The following NHEJ1 variants were observed in gnomAD, a reference collection of about 807,000 sequenced individuals.
NHEJ1 encodes the protein non-homologous end joining factor 1, also known as non-homologous end-joining factor 1.
A neutral mutation model predicts 39.4 loss-of-function variants in NHEJ1; 22 were observed. The observed-to-expected ratio is 0.56, with a 90% CI of 0.40 to 0.80. NHEJ1 has a LOEUF of 0.80. Ranked by LOEUF, NHEJ1 falls within the 30% of genes least tolerant of loss-of-function variation. The pLI is 0.00. For missense variants in NHEJ1, 329 were observed against 357.1 expected (o/e 0.92, Z 0.63); for synonymous variants, 154 against 135.6 (o/e 1.14, Z -0.94).
chr2:219,109,926 T>C (rs2106338633), intron 5 of NHEJ1, among the ~76,000 whole-genome samples: 1 of 152,302 alleles, frequency 6.6e-6, no homozygotes, highest in South Asian at 2.1e-4. Context: ...AGTTTTTTGA[T>C]ATGTGCATAT....
chr2:219,108,773 C>T lies in NHEJ1; in HGVS notation c.589-30567G>A, dbSNP rs528756761. On this transcript the variant is annotated intron_variant, in intron 5 of 7. Transcript: ENST00000356853. ...CAGATTACTGAGATGGGCAATGACC[C>T]TTTTTTGGCATATGAGGCTTTGTGA... is the stretch of plus-strand genomic sequence containing the variant. Among the ~76,000 whole-genome samples, 9 of 151,824 alleles carry T rather than the reference C, an allele frequency of 5.9e-5. No homozygotes were observed. In the East Asian group the frequency reaches 1.7e-3, roughly 29 times the overall value.
intron 6 of NHEJ1, 112 bp downstream of exon 6, chr2:219,077,977 A>G: frequency 1.3e-6 from 1 of 782,334 alleles, no homozygotes. Flanking sequence ...TTTCATTTTT[A>G]TTAATTTAAA....
chr2:219,117,356 G>A (rs1949425296), intron 5 of NHEJ1, among the ~76,000 whole-genome samples: 1 of 152,188 alleles, frequency 6.6e-6, no homozygotes, highest in African/African-American at 2.4e-5. Context: ...ACAGACTGAT[G>A]TCTCTAAGCC....
chr2:219,140,167 GA>G (rs766973729), intron 5 of NHEJ1, among the ~76,000 whole-genome samples: 19 of 152,226 alleles, frequency 1.2e-4, no homozygotes, highest in Non-Finnish European at 2.5e-4. Flanking sequence ...AAGAGTGTTA[GA>G]AAAACAGCAA....
chr2:219,147,316 T>C (rs1337866889), intron 4 of NHEJ1, among the ~76,000 whole-genome samples: 5 of 152,124 alleles, frequency 3.3e-5, no homozygotes, highest in Admixed American at 6.5e-5. Flanking sequence ...CCCGTCTATA[T>C]TAAAAATACA....
intron 1 of NHEJ1, chr2:219,159,292 CAG>C (rs987314263): frequency 6.6e-6 from 1 of 151,998 alleles, no homozygotes. Flanking sequence ...AGTAGACAAT[CAG>C]AACTACGGCT....
intron 5 of NHEJ1, among the ~76,000 whole-genome samples, chr2:219,124,972 C>T (rs566693459): frequency 2.7e-4 from 41 of 152,106 alleles, no homozygotes; most frequent in Non-Finnish European, 2.8e-4. Context: ...CCAGGATGTG[C>T]TATCTGCCTT....
chr2:219,159,613 A>G (rs1392901475), intron 1 of NHEJ1, among the ~76,000 whole-genome samples: 1 of 137,128 alleles, frequency 7.3e-6, no homozygotes. Flanking sequence ...ATATATATAC[A>G]TATACGTGGT....
intron 5 of NHEJ1, among the ~76,000 whole-genome samples, chr2:219,122,609 G>GA (rs2106345993): frequency 6.6e-6 from 1 of 152,254 alleles, no homozygotes; most frequent in Non-Finnish European, 1.5e-5. Context: ...ATATTGGCAT[G>GA]AAAAATGCTT....
Position 219,092,968 on chromosome 2 carries a change from C to T in NHEJ1, c.589-14762G>A, listed in dbSNP as rs145566166. ...TCAGTAAAACCCGTTTTTACTTAAG[C>T]TAATTAAGGGGATTTTTCTGCCTTA... On this transcript the variant is annotated intron_variant, in intron 5 of 7. Transcript: ENST00000356853. 8.4e-3 allele frequency among the ~76,000 whole-genome samples: 1,283 copies of T among 152,300 alleles called. 25 individuals are homozygous for T. Among genetic ancestry groups the T allele is most frequent in the African/African-American group, 0.029 (1,192 of 41,554 alleles).
chr2:219,127,556 TCTTA>T (rs1206963043), intron 5 of NHEJ1, among the ~76,000 whole-genome samples: 3 of 152,190 alleles, frequency 2.0e-5, no homozygotes, highest in Non-Finnish European at 4.4e-5. Context: ...ATTTCTTATC[TCTTA>T]CTTAAATTCC....
intron 4 of NHEJ1, among the ~76,000 whole-genome samples, chr2:219,147,208 G>A (rs1025624035): frequency 2.0e-5 from 3 of 152,198 alleles, no homozygotes; most frequent in Non-Finnish European, 4.4e-5. Flanking sequence ...GGCCAGGCAC[G>A]GTGGCTCACG....
chr2:219,153,289 A>C (rs1025961839), intron 3 of NHEJ1, among the ~76,000 whole-genome samples: 6 of 152,230 alleles, frequency 3.9e-5, no homozygotes, highest in Non-Finnish European at 7.3e-5. Flanking sequence ...GTACTTATCC[A>C]AATTAATACA....
At chr2:219,097,593 A>T (rs2106331069) in intron 5 of NHEJ1, among the ~76,000 whole-genome samples, 3 of 152,286 alleles carry the variant, frequency 2.0e-5, no homozygotes, top group Middle Eastern at 6.8e-3. Context: ...GCTCAACTCC[A>T]AGATTTTTAA....
intron 5 of NHEJ1, among the ~76,000 whole-genome samples, chr2:219,105,077 G>A (rs1363910680): frequency 6.6e-6 from 1 of 151,720 alleles, no homozygotes; most frequent in Non-Finnish European, 1.5e-5. Flanking sequence ...ATTGAGAGGG[G>A]GATATTCTGG....
intron 3 of NHEJ1, among the ~76,000 whole-genome samples, chr2:219,150,885 G>A (rs1949788713): frequency 6.6e-6 from 1 of 152,062 alleles, no homozygotes; most frequent in African/African-American, 2.4e-5. Flanking sequence ...GAACCCAGGA[G>A]GCGGAGGGTG....
intron 5 of NHEJ1, chr2:219,095,290 C>T (rs777141147): frequency 1.1e-5 from 5 of 470,334 alleles, no homozygotes; most frequent in South Asian, 3.1e-5. Flanking sequence ...AAAAAGAGAC[C>T]GATGCAGCAT....
At chr2:219,123,917 G>T (rs190991523) in intron 5 of NHEJ1, among the ~76,000 whole-genome samples, 1 of 152,288 alleles carries the variant, frequency 6.6e-6, no homozygotes, top group East Asian at 1.9e-4. Context: ...CTAATAAAAA[G>T]AAATACTTGA....
intron 4 of NHEJ1, 100 bp downstream of exon 4, chr2:219,147,557 G>A (rs1424389697): frequency 4.9e-6 from 7 of 1,441,564 alleles, no homozygotes; most frequent in South Asian, 1.2e-5. Flanking sequence ...CCCATCCTGG[G>A]GGAGGCACTT....
Sources: gnomAD v4.1 joint callset for allele counts (sites outside exome capture counted in the v4.1 genomes callset) on GRCh38, gnomAD v4.1.1 for gene constraint, MANE v1.5 for transcripts, NCBI Gene and HGNC (gene_info 2026-07-23, HGNC 2026-07-21) for gene names.